Variants in PPP3CA observed in about 807,000 individuals in gnomAD.
The protein encoded by PPP3CA is protein phosphatase 3 catalytic subunit alpha, also known as CAM-PRP catalytic subunit.
A neutral mutation model predicts 66.5 loss-of-function variants in PPP3CA; 14 were observed. The ratio of observed to expected loss-of-function variants is 0.21; its 90% CI spans 0.14 to 0.33. The LOEUF (loss-of-function observed/expected upper bound fraction) is 0.33, where lower values mean the gene tolerates loss of function less well. PPP3CA is among the 10% of genes least tolerant of loss of function. PPP3CA has a pLI of 1.00. For synonymous variants in PPP3CA, 232 were observed against 226.2 expected (o/e 1.03, Z -0.23); for missense variants, 317 against 639.5 (o/e 0.50, Z 5.44).
chr4:101,151,769 G>T (rs1723149377), intron 2 of PPP3CA, among the ~76,000 whole-genome samples: 1 of 139,524 alleles, frequency 7.2e-6, no homozygotes, highest in South Asian at 2.3e-4. Flanking sequence ...CAATTCTACT[G>T]CCTCAGCCTC....
chr4:101,262,565 T>C (rs1050920330), intron 1 of PPP3CA, among the ~76,000 whole-genome samples: 2 of 152,082 alleles, frequency 1.3e-5, no homozygotes, highest in Non-Finnish European at 2.9e-5. Flanking sequence ...AGTGGCTAGT[T>C]TGAGCTTCTC....
At chr4:101,098,342 A>G (rs1171336880) in intron 5 of PPP3CA, 25 bp downstream of exon 5, 2 of 1,578,052 alleles carry the variant, frequency 1.3e-6, no homozygotes, top group Admixed American at 3.8e-5. Flanking sequence ...CAAAATGATT[A>G]GACTTGGAAA....
At chr4:101,116,664 G>A (rs1340530658) in intron 2 of PPP3CA, among the ~76,000 whole-genome samples, 1 of 151,752 alleles carries the variant, frequency 6.6e-6, no homozygotes, top group Non-Finnish European at 1.5e-5. Flanking sequence ...CTCAGATAAA[G>A]GGGACACTGC....
At chr4:101,258,908 G>C (rs905582808) in intron 1 of PPP3CA, among the ~76,000 whole-genome samples, 1 of 152,090 alleles carries the variant, frequency 6.6e-6, no homozygotes, top group African/African-American at 2.4e-5. Context: ...AGGTCTTCCT[G>C]CTACTAAAGG....
chr4:101,030,544 G>A (rs1726898150), intron 12 of PPP3CA, among the ~76,000 whole-genome samples: 1 of 152,104 alleles, frequency 6.6e-6, no homozygotes, highest in Admixed American at 6.5e-5. Context: ...GTGTATGTGT[G>A]TTTGTGTGTA....
chr4:101,128,039 CCAT>C (rs1722301848), intron 2 of PPP3CA, among the ~76,000 whole-genome samples: 1 of 152,130 alleles, frequency 6.6e-6, no homozygotes, highest in Non-Finnish European at 1.5e-5. Flanking sequence ...GGACTTTCTG[CCAT>C]CATAAGCCCC....
chr4:101,195,267 CAAA>C (rs11326830), intron 2 of PPP3CA, among the ~76,000 whole-genome samples: 14 of 128,022 alleles, frequency 1.1e-4, no homozygotes, highest in Admixed American at 1.6e-4. Flanking sequence ...AACTTCATCT[CAAA>C]AAAAAAAAAA....
chr4:101,341,326 A>C (rs1006044328), intron 1 of PPP3CA, among the ~76,000 whole-genome samples: 1 of 151,952 alleles, frequency 6.6e-6, no homozygotes, highest in Admixed American at 6.6e-5. Flanking sequence ...CAATTTTCAA[A>C]AATGTTTTCA....
At chr4:101,288,084 G>A (rs1369543071) in intron 1 of PPP3CA, among the ~76,000 whole-genome samples, 1 of 152,074 alleles carries the variant, frequency 6.6e-6, no homozygotes, top group Non-Finnish European at 1.5e-5. Flanking sequence ...GGAGTCTGAG[G>A]AATCCAGGGA....
chr4:101,248,020 G>T (rs1182914139), intron 1 of PPP3CA, among the ~76,000 whole-genome samples: 1 of 152,108 alleles, frequency 6.6e-6, no homozygotes, highest in African/African-American at 2.4e-5. Flanking sequence ...TTAATTAACT[G>T]CTCCTAAATG....
chr4:101,084,598 G>T (rs1416480336), intron 6 of PPP3CA, among the ~76,000 whole-genome samples: 1 of 150,356 alleles, frequency 6.7e-6, no homozygotes, highest in African/African-American at 2.5e-5. Context: ...AGTCGAGAAC[G>T]CACCATTGCA....
At chr4:101,189,055 G>A (rs1724503965) in intron 2 of PPP3CA, among the ~76,000 whole-genome samples, 1 of 152,086 alleles carries the variant, frequency 6.6e-6, no homozygotes, top group African/African-American at 2.4e-5. Flanking sequence ...AGACTTGGGT[G>A]TTCGTCAACT....
chr4:101,115,457 G>C (rs1721811720), intron 2 of PPP3CA, among the ~76,000 whole-genome samples: 1 of 151,624 alleles, frequency 6.6e-6, no homozygotes, highest in Non-Finnish European at 1.5e-5. Flanking sequence ...GTAAGTGTTA[G>C]GTATGCAAGT....
chr4:101,345,730 C>T (rs912771457), intron 1 of PPP3CA, among the ~76,000 whole-genome samples: 1 of 152,168 alleles, frequency 6.6e-6, no homozygotes, highest in Non-Finnish European at 1.5e-5. Context: ...TCCCCTTCCT[C>T]ACTCCGCACA....
chr4:101,080,780 T>C (rs766679739), intron 7 of PPP3CA, among the ~76,000 whole-genome samples, 154 bp from the exon 8 acceptor site: 1 of 152,182 alleles, frequency 6.6e-6, no homozygotes, highest in Non-Finnish European at 1.5e-5. Flanking sequence ...CTCTGAAGCC[T>C]GTTATACACA....
At position 101,032,256 on chromosome 4, in the gene PPP3CA, AGCCT is replaced by A. The variant is rs754091399; in HGVS notation, c.1339+7_1339+10del. On this transcript the variant is annotated splice_region_variant and intron_variant, in intron 12 of 13. Coordinates refer to ENST00000394854, the MANE Select transcript of PPP3CA (RefSeq NM_000944.5). ...GCCCCAGCACACAGTCATACCCATC[AGCCT>A]GCTTACCGCTTTGCAGGGTTTGCTT... 1.3e-6 allele frequency: 2 copies of A among 1,585,974 alleles called. No individual in the cohort carries two copies. The highest frequency in any genetic ancestry group is 4.5e-5 in the East Asian group (2 of 44,016).
At chr4:101,206,221 T>C (rs1725126339) in intron 1 of PPP3CA, among the ~76,000 whole-genome samples, 1 of 152,220 alleles carries the variant, frequency 6.6e-6, no homozygotes, top group African/African-American at 2.4e-5. Context: ...GCACCTCTAA[T>C]GTTCACTCCC....
At chr4:101,250,425 T>C (rs1318085039) in intron 1 of PPP3CA, 2 of 449,944 alleles carry the variant, frequency 4.4e-6, no homozygotes, top group African/African-American at 4.0e-5. Flanking sequence ...TAAGAATATA[T>C]TTAATAGATT....
At chr4:101,190,585 G>A (rs1724567013) in intron 2 of PPP3CA, among the ~76,000 whole-genome samples, 1 of 152,106 alleles carries the variant, frequency 6.6e-6, no homozygotes, top group Non-Finnish European at 1.5e-5. Context: ...ATAGAATACT[G>A]TATTCATTAC....
Sources: gnomAD v4.1 joint callset for allele counts (sites outside exome capture counted in the v4.1 genomes callset) on GRCh38, gnomAD v4.1.1 for gene constraint, MANE v1.5 for transcripts, NCBI Gene and HGNC (gene_info 2026-07-23, HGNC 2026-07-21) for gene names.